The following ZCWPW2 variants were observed in gnomAD, a reference collection of about 807,000 sequenced individuals.
The protein encoded by ZCWPW2 is zinc finger CW-type PWWP domain protein 2.
ZCWPW2 carries 45 observed loss-of-function variants against 46.6 expected under a neutral mutation model. That is an observed-to-expected ratio of 0.96 (90% CI 0.76 to 1.24). The LOEUF (loss-of-function observed/expected upper bound fraction) is 1.24, where lower values mean the gene tolerates loss of function less well. Ranked by LOEUF, ZCWPW2 falls within the 50% of genes most tolerant of loss-of-function variation. ZCWPW2 has a pLI of 0.00. For missense variants in ZCWPW2, 429 were observed against 403.9 expected, an observed-to-expected ratio of 1.06 and a Z score of -0.53; for synonymous variants, 152 against 137.1, an observed-to-expected ratio of 1.11 and a Z score of -0.76.
chr3:28,495,260 G>A (rs1393010833), intron 6 of ZCWPW2, among the ~76,000 whole-genome samples: 1 of 152,062 alleles, frequency 6.6e-6, no homozygotes, highest in Admixed American at 6.6e-5. Context: ...TTGCAGAGAG[G>A]AATTCAATAT....
intron 1 of ZCWPW2, among the ~76,000 whole-genome samples, chr3:28,358,611 T>C (rs1452496017): frequency 1.3e-5 from 2 of 152,076 alleles, no homozygotes; most frequent in African/African-American, 4.8e-5. Flanking sequence ...ATACATTGAG[T>C]CTTAAATTTA....
intron 1 of ZCWPW2, among the ~76,000 whole-genome samples, chr3:28,357,311 C>G (rs1198755030): frequency 1.3e-5 from 2 of 152,126 alleles, no homozygotes; most frequent in Non-Finnish European, 2.9e-5. Flanking sequence ...AGGAAAACGT[C>G]CAAACTCACA....
chr3:28,359,990 C>A (rs1704880281), intron 1 of ZCWPW2, among the ~76,000 whole-genome samples: 1 of 151,522 alleles, frequency 6.6e-6, no homozygotes, highest in Non-Finnish European at 1.5e-5. Context: ...TGTTTAAAAC[C>A]AAATATATCA....
At position 28,525,204 on chromosome 3, in the gene ZCWPW2, G is replaced by A. The variant is rs1161057639; in HGVS notation, c.*516G>A. The A allele has an allele frequency of 6.6e-6, 1 of 152,220 alleles. No homozygotes were observed. 9.4% of individuals were successfully genotyped at this position (152,220 alleles called of 1,614,324 possible). A position where few individuals can be genotyped will look rare whatever the true frequency, so the allele number is the denominator to read the frequency against. On this transcript the variant is annotated 3_prime_UTR_variant, in exon 10 of 10. Coordinates refer to ENST00000383768, the MANE Select transcript of ZCWPW2 (RefSeq NM_001040432.4). ...CAAAATTTCACTTGCTACTTCTACT[G>A]GAATCAGTTATTTCAACCATGGTAC...
chr3:28,385,331 A>G (rs1219665255), intron 1 of ZCWPW2, among the ~76,000 whole-genome samples: 2 of 152,222 alleles, frequency 1.3e-5, no homozygotes, highest in African/African-American at 2.4e-5. Context: ...GAGAAGTTCC[A>G]TTAGAGGGAT....
At position 28,357,797 on chromosome 3, in the gene ZCWPW2, TTATA is replaced by T. The variant is rs3068920; in HGVS notation, c.-134+8614_-134+8617del. On this transcript the variant is annotated intron_variant, in intron 1 of 9. Coordinates refer to ENST00000383768, the MANE Select transcript of ZCWPW2 (RefSeq NM_001040432.4). ...ACATATAATATATAGTTGGTATATTTTATATATATATATATATATATATCTCCAT... is the reference window on the plus strand; with the variant it reads ...ACATATAATATATAGTTGGTATATTTTATATATATATATATATATCTCCAT... 2.9e-3 allele frequency among the ~76,000 whole-genome samples: 411 copies of T among 140,398 alleles called. 2 individuals are homozygous for T. The highest frequency in any genetic ancestry group is 9.0e-3 in the African/African-American group (340 of 37,698). 92.1% of individuals were successfully genotyped at this position (140,398 alleles called of 152,430 possible). A position where few individuals can be genotyped will look rare whatever the true frequency, so the allele number is the denominator to read the frequency against.
chr3:28,368,632 G>A (rs967119483), intron 1 of ZCWPW2, among the ~76,000 whole-genome samples: 1 of 152,066 alleles, frequency 6.6e-6, no homozygotes, highest in Non-Finnish European at 1.5e-5. Context: ...TGACAATTAT[G>A]TGTCTTGGAG....
intron 1 of ZCWPW2, among the ~76,000 whole-genome samples, chr3:28,389,256 C>T (rs1173311516): frequency 6.6e-6 from 1 of 152,154 alleles, no homozygotes; most frequent in Non-Finnish European, 1.5e-5. Flanking sequence ...GGGTCCCCTT[C>T]AGGGCAGACC....
chr3:28,383,756 A>C (rs1367908133), intron 1 of ZCWPW2, among the ~76,000 whole-genome samples: 1 of 152,056 alleles, frequency 6.6e-6, no homozygotes, highest in Admixed American at 6.6e-5. Flanking sequence ...ATGAACCTAA[A>C]CCAAAGTACT....
intron 3 of ZCWPW2, among the ~76,000 whole-genome samples, chr3:28,416,893 T>C (rs1188876590): frequency 7.5e-6 from 1 of 134,164 alleles, no homozygotes; most frequent in Non-Finnish European, 1.6e-5. Flanking sequence ...ATAAGCTTTT[T>C]GATGTGCTGC....
intron 1 of ZCWPW2, among the ~76,000 whole-genome samples, chr3:28,389,536 T>C (rs1695406478): frequency 6.6e-6 from 1 of 152,218 alleles, no homozygotes; most frequent in Non-Finnish European, 1.5e-5. Flanking sequence ...AAAATTGCTC[T>C]CTTTAGTAAT....
At chr3:28,439,955 C>A (rs1408739169) in intron 4 of ZCWPW2, among the ~76,000 whole-genome samples, 2 of 152,166 alleles carry the variant, frequency 1.3e-5, no homozygotes, top group Non-Finnish European at 2.9e-5. Context: ...ATTCCCTTTG[C>A]CTTCAGCAAG....
Position 28,390,508 on chromosome 3 carries a change from G to A in ZCWPW2, c.-123G>A. 1.0e-6 allele frequency: 1 copy of A among 985,326 alleles called. No individual in the cohort carries two copies. The highest frequency in any genetic ancestry group is 1.2e-6 in the Non-Finnish European group (1 of 829,900). The allele number at this position is 985,326 out of a possible 1,614,324, so 61.0% of individuals were successfully genotyped here. ...GTATAACTTCTTCAGATTCATCCCA[G>A]TAGAACGCCTGCCTCTTTAGTGACT... On this transcript the variant is annotated 5_prime_UTR_variant, in exon 2 of 10. Coordinates refer to ENST00000383768, the MANE Select transcript of ZCWPW2 (RefSeq NM_001040432.4).
intron 2 of ZCWPW2, among the ~76,000 whole-genome samples, chr3:28,400,581 C>T (rs1695881389): frequency 6.6e-6 from 1 of 152,180 alleles, no homozygotes; most frequent in African/African-American, 2.4e-5. Context: ...ATCAGATTGA[C>T]AGGAGATTTC....
At chr3:28,413,526 T>C in intron 3 of ZCWPW2, 126 bp downstream of exon 3, 1 of 814,630 alleles carries the variant, frequency 1.2e-6, no homozygotes, top group Non-Finnish European at 1.8e-6. Flanking sequence ...CATTGCTCTT[T>C]TCCATACTTC....
intron 4 of ZCWPW2, among the ~76,000 whole-genome samples, chr3:28,445,503 G>A (rs139982188): frequency 1.9e-3 from 293 of 152,186 alleles, no homozygotes; most frequent in African/African-American, 6.6e-3. Flanking sequence ...TATAACTTTA[G>A]GATGTAATCC....
chr3:28,493,104 T>G (rs1181018064), intron 6 of ZCWPW2, among the ~76,000 whole-genome samples: 1 of 148,280 alleles, frequency 6.7e-6, no homozygotes, highest in African/African-American at 2.5e-5. Context: ...TCTTTTTTTT[T>G]TTTTTCTGGT....
intron 5 of ZCWPW2, among the ~76,000 whole-genome samples, chr3:28,484,398 C>T (rs1190260529): frequency 4.6e-5 from 7 of 152,116 alleles, no homozygotes; most frequent in Non-Finnish European, 8.8e-5. Flanking sequence ...CCAGTGAACC[C>T]ATCTGGGCTT....
chr3:28,472,685 C>T (rs1699082273), intron 4 of ZCWPW2, among the ~76,000 whole-genome samples: 1 of 151,772 alleles, frequency 6.6e-6, no homozygotes, highest in African/African-American at 2.4e-5. Context: ...AGTAATATAC[C>T]CCACAAGCAC....
Sources: gnomAD v4.1 joint callset for allele counts (sites outside exome capture counted in the v4.1 genomes callset) on GRCh38, gnomAD v4.1.1 for gene constraint, MANE v1.5 for transcripts, NCBI Gene and HGNC (gene_info 2026-07-23, HGNC 2026-07-21) for gene names.